Variants in NECAB1 observed in about 807,000 individuals in gnomAD.
NECAB1 encodes N-terminal EF-hand calcium binding protein 1.
Under a neutral mutation model 57.5 loss-of-function variants are expected in NECAB1, and 29 were observed. That is an observed-to-expected ratio of 0.50 (90% CI 0.38 to 0.69). The LOEUF is 0.69. Among genes scored for constraint, NECAB1 ranks in the 30% least tolerant of loss-of-function variants. The probability of loss-of-function intolerance (pLI) is 0.00; values close to 1 mark genes in which losing one functional copy is unlikely to be tolerated. For missense variants in NECAB1, 372 were observed against 413.8 expected (o/e 0.90, Z 0.88); for synonymous variants, 142 against 147.7 (o/e 0.96, Z 0.28).
rs569757493 is a variant in NECAB1 at position 90,827,483 on chromosome 8, C to T, written c.233+2658C>T. 2.6e-5 allele frequency among the ~76,000 whole-genome samples: 4 copies of T among 152,122 alleles called. No individual in the cohort carries two copies. In the South Asian group the frequency reaches 6.2e-4, roughly 24 times the overall value. ...ATTAAATTGGTATCTCCCTAATACA[C>T]TGCATTTTCTTGAACTTGTTTAAGA... On this transcript the variant is annotated intron_variant, in intron 3 of 12. Coordinates refer to ENST00000417640, the MANE Select transcript of NECAB1 (RefSeq NM_022351.5).
chr8:90,846,507 T>C (rs1293179569), intron 3 of NECAB1, among the ~76,000 whole-genome samples: 2 of 152,216 alleles, frequency 1.3e-5, no homozygotes, highest in Non-Finnish European at 2.9e-5. Context: ...AAAGCTACCT[T>C]AGTAAGTGTT....
intron 5 of NECAB1, among the ~76,000 whole-genome samples, chr8:90,911,740 T>G (rs1423316237): frequency 6.6e-6 from 1 of 152,184 alleles, no homozygotes. Context: ...GCAATAATTC[T>G]GAGGTGAAGT....
Position 90,907,706 on chromosome 8 carries a change from G to T in NECAB1, c.358-9786G>T, listed in dbSNP as rs184103947. Among the ~76,000 whole-genome samples, 1,405 of 152,098 alleles carry T rather than the reference G, an allele frequency of 9.2e-3. 13 individuals are homozygous for T. Among genetic ancestry groups the T allele is most frequent in the Non-Finnish European group, 0.013 (884 of 67,978 alleles). ...ATAGTGGTGCATCTTATAATTAATG[G>T]CACTTTATATTTGATGAAGTACAGT... On this transcript the variant is annotated intron_variant, in intron 5 of 12. Transcript: ENST00000417640.
Position 90,815,363 on chromosome 8 carries a change from G to T in NECAB1, c.125-9354G>T, listed in dbSNP as rs575241462. 2.6e-5 allele frequency among the ~76,000 whole-genome samples: 4 copies of T among 152,038 alleles called. No homozygotes were observed. The East Asian group carries it at 7.7e-4, about 29-fold the overall frequency. ...CAGTTAAATTGTTTTGTCACATTCT[G>T]CATTCTATCCTGAGATTCCCTGAAC... On this transcript the variant is annotated intron_variant, in intron 2 of 12. Transcript: ENST00000417640.
At chr8:90,912,673 T>A (rs982906848) in intron 5 of NECAB1, among the ~76,000 whole-genome samples, 3 of 152,022 alleles carry the variant, frequency 2.0e-5, no homozygotes, top group African/African-American at 7.3e-5. Flanking sequence ...TAAGAGCCAG[T>A]TCTTTATTTT....
At chr8:90,890,099 T>G (rs1446505760) in intron 5 of NECAB1, among the ~76,000 whole-genome samples, 2 of 152,184 alleles carry the variant, frequency 1.3e-5, no homozygotes, top group African/African-American at 4.8e-5. Context: ...TCCCTTATAT[T>G]AGTTGAATGC....
At chr8:90,826,840 TG>T (rs1188187714) in intron 3 of NECAB1, among the ~76,000 whole-genome samples, 17 of 152,024 alleles carry the variant, frequency 1.1e-4, no homozygotes, top group South Asian at 6.2e-4. Context: ...GACTACTAAA[TG>T]TTAAAGAAGT....
chr8:90,933,800 G>A (rs778960956), intron 8 of NECAB1, among the ~76,000 whole-genome samples: 12 of 151,868 alleles, frequency 7.9e-5, no homozygotes, highest in African/African-American at 1.2e-4. Context: ...AATGTCAATC[G>A]TATTTTCATT....
intron 3 of NECAB1, among the ~76,000 whole-genome samples, chr8:90,851,083 C>T (rs1486655405): frequency 6.6e-6 from 1 of 152,144 alleles, no homozygotes; most frequent in Non-Finnish European, 1.5e-5. Context: ...TCCATGAAAA[C>T]ACTAAATGAT....
At chr8:90,935,585 C>A (rs531892111) in intron 9 of NECAB1, among the ~76,000 whole-genome samples, 10 of 152,216 alleles carry the variant, frequency 6.6e-5, no homozygotes, top group African/African-American at 2.4e-4. Flanking sequence ...TGTGATCATG[C>A]ATCTGTTATC....
rs184119475 is a variant in NECAB1, at chr8:90,807,338, C to G, written c.124+5623C>G. 9.2e-5 allele frequency among the ~76,000 whole-genome samples: 14 copies of G among 152,270 alleles called. 1 individual carries two copies. The highest frequency in any genetic ancestry group is 3.1e-4 in the African/African-American group (13 of 41,564). ...TATGTAAGAATTGGTAATAGTCTTT[C>G]CAAACCGGTCACCTAAAGTTTGGTT... On this transcript the variant is annotated intron_variant, in intron 2 of 12. Transcript: ENST00000417640.
chr8:90,903,554 C>G (rs562829607), intron 5 of NECAB1, among the ~76,000 whole-genome samples: 4 of 152,124 alleles, frequency 2.6e-5, no homozygotes, highest in African/African-American at 9.6e-5. Context: ...TCAAAACTTA[C>G]CTGTTAGCTA....
chr8:90,909,132 T>C (rs1194273189), intron 5 of NECAB1, among the ~76,000 whole-genome samples: 4 of 152,088 alleles, frequency 2.6e-5, no homozygotes, highest in Admixed American at 6.6e-5. Context: ...AAAACTATAG[T>C]GGATAGTGTG....
chr8:90,900,339 G>A (rs1291289554), intron 5 of NECAB1, among the ~76,000 whole-genome samples: 1 of 152,108 alleles, frequency 6.6e-6, no homozygotes, highest in Non-Finnish European at 1.5e-5. Flanking sequence ...TGACAGAATT[G>A]CTTCACCAAT....
chr8:90,857,052 G>A (rs1471204780), intron 3 of NECAB1, among the ~76,000 whole-genome samples: 8 of 152,078 alleles, frequency 5.3e-5, no homozygotes, highest in African/African-American at 1.7e-4. Flanking sequence ...GCATTCCCTA[G>A]GGTAAGCACA....
At chr8:90,873,079 G>A (rs530318534) in intron 4 of NECAB1, among the ~76,000 whole-genome samples, 1 of 152,248 alleles carries the variant, frequency 6.6e-6, no homozygotes, top group East Asian at 1.9e-4. Context: ...GATGTTATAC[G>A]AGAACAAAAT....
chr8:90,801,769 C>A, intron 2 of NECAB1, 54 bp downstream of exon 2: 1 of 1,152,602 alleles, frequency 8.7e-7, no homozygotes, highest in Non-Finnish European at 1.2e-6. Context: ...TTTTATATTA[C>A]CTTATAAATA....
At chr8:90,896,214 A>G (rs1809326013) in intron 5 of NECAB1, among the ~76,000 whole-genome samples, 1 of 152,216 alleles carries the variant, frequency 6.6e-6, no homozygotes, top group African/African-American at 2.4e-5. Flanking sequence ...AAGCAAAACA[A>G]CTAAGCTAAG....
intron 3 of NECAB1, among the ~76,000 whole-genome samples, chr8:90,844,113 T>G (rs1319341145): frequency 6.6e-6 from 1 of 152,192 alleles, no homozygotes; most frequent in African/African-American, 2.4e-5. Context: ...GAAATTTAAT[T>G]TCAGTCAACT....
Sources: gnomAD v4.1 joint callset for allele counts (sites outside exome capture counted in the v4.1 genomes callset) on GRCh38, gnomAD v4.1.1 for gene constraint, MANE v1.5 for transcripts, NCBI Gene and HGNC (gene_info 2026-07-23, HGNC 2026-07-21) for gene names.